Variants in RNF115 observed in about 807,000 individuals in gnomAD.
RNF115 encodes E3 ubiquitin-protein ligase RNF115.
A neutral mutation model predicts 39.2 loss-of-function variants in RNF115; 31 were observed. The ratio of observed to expected loss-of-function variants is 0.79; its 90% confidence interval spans 0.59 to 1.07. The LOEUF (loss-of-function observed/expected upper bound fraction) is 1.07. Among genes scored for constraint, RNF115 ranks in the 50% least tolerant of loss-of-function variants. The probability of loss-of-function intolerance (pLI) is 0.00; values close to 1 mark genes in which losing one functional copy is unlikely to be tolerated. For synonymous variants in RNF115, 124 were observed against 131.0 expected (o/e 0.95, Z 0.37); for missense variants, 384 against 381.7 (o/e 1.01, Z -0.05).
intron 4 of RNF115, among the ~76,000 whole-genome samples, chr1:145,758,992 G>A (rs781799442): frequency 2.0e-5 from 3 of 152,290 alleles, no homozygotes; most frequent in Non-Finnish European, 4.4e-5. Context: ...ACTCACAGAC[G>A]AGAAAAATCA....
At chr1:145,772,965 G>C (rs1647707778) in intron 3 of RNF115, 1 of 152,036 alleles carries the variant, frequency 6.6e-6, no homozygotes, top group South Asian at 2.1e-4. Flanking sequence ...TGATTCTTCT[G>C]TCTGCTCATA....
intron 4 of RNF115, among the ~76,000 whole-genome samples, chr1:145,767,976 A>G (rs1647446386): frequency 6.6e-6 from 1 of 152,036 alleles, no homozygotes; most frequent in Admixed American, 6.6e-5. Flanking sequence ...ATGGCAAGAG[A>G]GGGAGAGGGA....
chr1:145,746,654 G>A lies in RNF115; in HGVS notation c.*212C>T. 1 of 519,448 alleles carries A rather than the reference G, an allele frequency of 1.9e-6. No individual in the cohort carries two copies. The highest frequency in any genetic ancestry group is 3.4e-6 in the Non-Finnish European group (1 of 296,194). 32.2% of individuals were successfully genotyped at this position (519,448 alleles called of 1,614,324 possible). ...TTCACACTTATAAAATTATCACTCTGAATTCAGGGATAAGAGGCATTTGGT... is the reference window on the plus strand; with the variant it reads ...TTCACACTTATAAAATTATCACTCTAAATTCAGGGATAAGAGGCATTTGGT... On this transcript the variant is annotated 3_prime_UTR_variant, in exon 9 of 9. Coordinates refer to ENST00000582693, the MANE Select transcript of RNF115 (RefSeq NM_014455.4).
intron 3 of RNF115, among the ~76,000 whole-genome samples, chr1:145,778,457 T>A (rs1359725291): frequency 6.6e-6 from 1 of 152,134 alleles, no homozygotes; most frequent in Non-Finnish European, 1.5e-5. Context: ...GCTGTACACT[T>A]TAACAGGGTG....
chr1:145,819,739 C>T (rs1559135868), intron 1 of RNF115, among the ~76,000 whole-genome samples: 1 of 152,156 alleles, frequency 6.6e-6, no homozygotes, highest in Non-Finnish European at 1.5e-5. Context: ...ACCAGCAGCA[C>T]ATTAAAAAGC....
intron 1 of RNF115, among the ~76,000 whole-genome samples, chr1:145,820,623 C>G (rs61816195): frequency 0.76 from 112,805 of 147,816 alleles, 42,308 homozygotes; most frequent in East Asian, 0.84. Flanking sequence ...GTAGTCCCCA[C>G]TACTTGGGAG....
intron 1 of RNF115, among the ~76,000 whole-genome samples, chr1:145,798,918 T>G (rs1427452647): frequency 1.3e-5 from 2 of 152,206 alleles, no homozygotes; most frequent in African/African-American, 4.8e-5. Context: ...TTCTTTCTGA[T>G]GCTACTGTTA....
intron 4 of RNF115, among the ~76,000 whole-genome samples, chr1:145,768,254 C>A (rs1571730324): frequency 6.6e-6 from 1 of 152,246 alleles, no homozygotes; most frequent in African/African-American, 2.4e-5. Context: ...CCAGCGCCCA[C>A]CCCTGTGGCT....
Position 145,748,072 on chromosome 1 carries a change from T to C in RNF115, c.706A>G (p.Thr236Ala). 6.2e-7 allele frequency: 1 copy of C among 1,613,714 alleles called. No individual in the cohort carries two copies. The highest frequency in any genetic ancestry group is 1.1e-5 in the South Asian group (1 of 91,072). Reference sequence around the variant, plus strand: ...AACTGCCGGACTTCCTCTTCAACTGTGTAATCTTCTTTGCATACTGGACAC... The same window carrying C: ...AACTGCCGGACTTCCTCTTCAACTGCGTAATCTTCTTTGCATACTGGACAC... ...LECPVCKEDYTVEEEVRQLPC... is the reference protein window; with the variant it reads ...LECPVCKEDYAVEEEVRQLPC... The change falls in exon 8 of 9, where the codon ACA becomes GCA. Residue 236 changes from threonine (T) to alanine (A), a missense_variant. Coordinates refer to ENST00000582693, the MANE Select transcript of RNF115 (RefSeq NM_014455.4).
At chr1:145,784,637 A>T in intron 2 of RNF115, 41 bp from the exon 3 acceptor site, 5 of 1,577,088 alleles carry the variant, frequency 3.2e-6, no homozygotes, top group Non-Finnish European at 4.4e-6. Flanking sequence ...ATTCCCAGGA[A>T]CAAGCTCCCC....
chr1:145,782,457 A>G (rs374381540), intron 3 of RNF115, among the ~76,000 whole-genome samples: 3 of 149,368 alleles, frequency 2.0e-5, no homozygotes, highest in African/African-American at 7.6e-5. Flanking sequence ...TCTCTTAAAA[A>G]CACACACACA....
chr1:145,807,397 CTAATA>C (rs1173006548), intron 1 of RNF115, among the ~76,000 whole-genome samples: 1 of 152,116 alleles, frequency 6.6e-6, no homozygotes, highest in African/African-American at 2.4e-5. Flanking sequence ...AAATAGGATG[CTAATA>C]TAATATTAAA....
At chr1:145,819,312 G>A (rs1297309172) in intron 1 of RNF115, among the ~76,000 whole-genome samples, 3 of 143,522 alleles carry the variant, frequency 2.1e-5, no homozygotes, top group East Asian at 4.0e-4. Flanking sequence ...AGCCAGGTGT[G>A]GTAGCACATA....
At chr1:145,751,786 T>C (rs1454185470) in intron 5 of RNF115, among the ~76,000 whole-genome samples, 2 of 152,224 alleles carry the variant, frequency 1.3e-5, no homozygotes, top group African/African-American at 4.8e-5. Context: ...AGTGACTCAT[T>C]GCCTGTTGGT....
chr1:145,776,902 GCTT>G (rs1480861407), intron 3 of RNF115, among the ~76,000 whole-genome samples: 2 of 152,090 alleles, frequency 1.3e-5, no homozygotes, highest in African/African-American at 4.8e-5. Context: ...TGCCATTTGC[GCTT>G]CTTATCAAAT....
Position 145,745,732 on chromosome 1 carries a change from G to A in RNF115, c.*1134C>T, listed in dbSNP as rs2101444227. 6.6e-6 allele frequency: 1 copy of A among 151,690 alleles called. No individual in the cohort carries two copies. The highest frequency in any genetic ancestry group is 2.1e-4 in the South Asian group (1 of 4,788). The allele number at this position is 151,690 out of a possible 1,614,324, so 9.4% of individuals were successfully genotyped here. A position where few individuals can be genotyped will look rare whatever the true frequency, so the allele number is the denominator to read the frequency against. On this transcript the variant is annotated 3_prime_UTR_variant, in exon 9 of 9. Coordinates refer to ENST00000582693, the MANE Select transcript of RNF115 (RefSeq NM_014455.4). Reference sequence around the variant, plus strand: ...GGCCTCCCAAAGTGCTGGGATTACAGGCGTGAGCCACCGCGCCCAGCGGTA... The same window carrying A: ...GGCCTCCCAAAGTGCTGGGATTACAAGCGTGAGCCACCGCGCCCAGCGGTA...
chr1:145,823,579 G>C (rs1434617726), intron 1 of RNF115, among the ~76,000 whole-genome samples, 193 bp downstream of exon 1: 1 of 152,192 alleles, frequency 6.6e-6, no homozygotes, highest in Non-Finnish European at 1.5e-5. Context: ...TGAATTAAGA[G>C]GTGGGCAGGA....
chr1:145,763,594 G>A (rs1232143575), intron 4 of RNF115, among the ~76,000 whole-genome samples: 1 of 152,162 alleles, frequency 6.6e-6, no homozygotes, highest in African/African-American at 2.4e-5. Context: ...AGCTACTTGG[G>A]AGGCTGAGGC....
In RNF115 at chr1:145,771,892, A is replaced by G; in HGVS notation, c.247T>C (p.Phe83Leu). 6.2e-7 allele frequency: 1 copy of G among 1,614,030 alleles called. No homozygotes were observed. The highest frequency in any genetic ancestry group is 8.5e-7 in the Non-Finnish European group (1 of 1,179,972). ...AGAAAGGGTCTAAAATCTTGAAAAA[A>G]CATCGTGTGATCCAAATGGCCCCAA... is the stretch of plus-strand genomic sequence containing the variant. Reference protein sequence around the residue: ...ELWGHLDHTMFFQDFRPFLSS... With the variant: ...ELWGHLDHTMLFQDFRPFLSS... The change falls in exon 4 of 9, where the codon TTT becomes CTT. Residue 83 changes from phenylalanine to leucine, a missense_variant. Phe to Leu is a conservative substitution (Grantham distance 22). Transcript: ENST00000582693.
Sources: gnomAD v4.1 joint callset for allele counts (sites outside exome capture counted in the v4.1 genomes callset) on GRCh38, gnomAD v4.1.1 for gene constraint, MANE v1.5 for transcripts, NCBI Gene and HGNC (gene_info 2026-07-23, HGNC 2026-07-21) for gene names.